Variants in MRRF observed in about 807,000 individuals in gnomAD.
The protein encoded by MRRF is ribosome-recycling factor, mitochondrial.
A neutral mutation model predicts 25.1 loss-of-function variants in MRRF; 18 were observed. The ratio of observed to expected loss-of-function variants is 0.72; its 90% CI spans 0.50 to 1.06. MRRF has a LOEUF of 1.06. Among genes scored for constraint, MRRF ranks in the 50% least tolerant of loss-of-function variants. The pLI is 0.00. For missense variants in MRRF, 323 were observed against 319.3 expected, an observed-to-expected ratio of 1.01 and a Z score of -0.09; for synonymous variants, 113 against 112.1, an observed-to-expected ratio of 1.01 and a Z score of -0.05.
At position 122,327,613 on chromosome 9, in the gene MRRF, AC is replaced by A. The variant is rs1307187651; in HGVS notation, c.*5000del. ...TTGGACTGAAAGTGGTGTGTTTCAG[AC>A]CCCTGCTATTAACATTTCTGTTCCT... On this transcript the variant is annotated 3_prime_UTR_variant, in exon 7 of 7. Coordinates refer to ENST00000344641, the MANE Select transcript of MRRF (RefSeq NM_138777.5). 6.6e-6 allele frequency: 1 copy of A among 152,090 alleles called. No individual in the cohort carries two copies. The highest frequency in any genetic ancestry group is 1.5e-5 in the Non-Finnish European group (1 of 67,998). 9.4% of individuals were successfully genotyped at this position (152,090 alleles called of 1,614,324 possible).
Position 122,322,610 on chromosome 9 carries a change from T to G in MRRF, c.782T>G (p.Leu261Arg), listed in dbSNP as rs766460621. ...CTGGCAGTGAAGACCAAAGAACTCCTTGGATGAAAGTCCACTGGGGCCAGC... is the reference window on the plus strand; with the variant it reads ...CTGGCAGTGAAGACCAAAGAACTCCGTGGATGAAAGTCCACTGGGGCCAGC... ...RHLAVKTKEL[L>R]G Residue 261 changes from leucine (L) to arginine (R), a missense_variant, in exon 7 of 7, where the codon CTT becomes CGT. Physicochemically the swap from Leu to Arg is moderately radical, Grantham distance 102. Coordinates refer to ENST00000344641, the MANE Select transcript of MRRF (RefSeq NM_138777.5). 9 of 1,614,168 alleles carry G rather than the reference T, an allele frequency of 5.6e-6. No individual in the cohort carries two copies. In the South Asian group the frequency reaches 9.9e-5, roughly 18 times the overall value.
chr9:122,266,734 G>A (rs1487757292), intron 1 of MRRF, among the ~76,000 whole-genome samples: 1 of 152,218 alleles, frequency 6.6e-6, no homozygotes, highest in African/African-American at 2.4e-5. Flanking sequence ...AACCTTCTGT[G>A]AAGAACAGGG....
intron 5 of MRRF, among the ~76,000 whole-genome samples, chr9:122,303,887 A>G (rs1328035959): frequency 6.6e-6 from 1 of 152,136 alleles, no homozygotes; most frequent in Non-Finnish European, 1.5e-5. Context: ...ACTTCCTTTC[A>G]GTGGCCTGCC....
In MRRF at chr9:122,285,204, G is replaced by GGGAA. The variant is rs1564483507; in HGVS notation, c.378_381dup (p.Leu128GlufsTer8). On this transcript the variant is annotated frameshift_variant, in exon 4 of 7. Coordinates refer to ENST00000344641, the MANE Select transcript of MRRF (RefSeq NM_138777.5). LOFTEE classifies it high-confidence loss of function. ...CAAGATTGCTGTGGTAACTGCTGAC[G>GGGAA]GGAAGCTTGCTTTAAACCAGATTAG... 2 of 1,613,868 alleles carry GGGAA rather than the reference G, an allele frequency of 1.2e-6. No individual in the cohort carries two copies. Among genetic ancestry groups the GGGAA allele is most frequent in the South Asian group, 2.2e-5 (2 of 91,080 alleles).
At chr9:122,271,380 A>G (rs1415389196) in intron 2 of MRRF, among the ~76,000 whole-genome samples, 1 of 152,244 alleles carries the variant, frequency 6.6e-6, no homozygotes, top group African/African-American at 2.4e-5. Flanking sequence ...GAATGCTTGT[A>G]GCAGGGATCA....
At position 122,326,924 on chromosome 9, in the gene MRRF, A is replaced by G. The variant is rs146994780; in HGVS notation, c.*4307A>G. The G allele has an allele frequency of 2.0e-5, 3 of 152,332 alleles. No individual in the cohort carries two copies. The East Asian group carries it at 5.8e-4, about 29-fold the overall frequency. 9.4% of individuals were successfully genotyped at this position (152,332 alleles called of 1,614,324 possible). On this transcript the variant is annotated 3_prime_UTR_variant, in exon 7 of 7. Transcript: ENST00000344641. ...AGTAAGTGCTAGAATGAAATTTCAA[A>G]CCCACATCTGACCTTGAAGTAGGTC...
At chr9:122,278,647 G>A (rs1832916396) in intron 2 of MRRF, among the ~76,000 whole-genome samples, 1 of 152,034 alleles carries the variant, frequency 6.6e-6, no homozygotes, top group African/African-American at 2.4e-5. Flanking sequence ...AATTATTAAT[G>A]TGCATATTTG....
intron 5 of MRRF, among the ~76,000 whole-genome samples, chr9:122,292,785 G>A (rs1210341196): frequency 6.6e-6 from 1 of 152,102 alleles, no homozygotes; most frequent in African/African-American, 2.4e-5. Flanking sequence ...GACACAAGGG[G>A]AACAGTCAGG....
intron 5 of MRRF, among the ~76,000 whole-genome samples, chr9:122,301,750 T>C (rs1834477322): frequency 2.0e-5 from 3 of 151,996 alleles, no homozygotes; most frequent in Admixed American, 1.3e-4. Flanking sequence ...TTTTTTCTTT[T>C]TGAGATACAG....
Position 122,325,287 on chromosome 9 carries a change from CCT to C in MRRF, c.*2672_*2673del, listed in dbSNP as rs1836097811. On this transcript the variant is annotated 3_prime_UTR_variant, in exon 7 of 7. Coordinates refer to ENST00000344641, the MANE Select transcript of MRRF (RefSeq NM_138777.5). Reference sequence around the variant, plus strand: ...ATCATGATAAATGAATAAAGGAAAACCTCGAGCCCAGGGCAGTCAGACAGCTC... The same window carrying C: ...ATCATGATAAATGAATAAAGGAAAACCGAGCCCAGGGCAGTCAGACAGCTC... 1 of 152,108 alleles carries C rather than the reference CCT, an allele frequency of 6.6e-6. No homozygotes were observed. Among genetic ancestry groups the C allele is most frequent in the African/African-American group, 2.4e-5 (1 of 41,410 alleles). 9.4% of individuals were successfully genotyped at this position (152,108 alleles called of 1,614,324 possible).
At chr9:122,296,778 A>G (rs1834112417) in intron 5 of MRRF, among the ~76,000 whole-genome samples, 2 of 152,100 alleles carry the variant, frequency 1.3e-5, no homozygotes, top group Non-Finnish European at 2.9e-5. Context: ...ACACTCCCTT[A>G]CTCATTGTTT....
In MRRF at chr9:122,289,392, G is replaced by A. The variant is rs114203289; in HGVS notation, c.460-2357G>A. On this transcript the variant is annotated intron_variant, in intron 4 of 6. Transcript: ENST00000344641. ...AAGCATAGTTCCTGCCCAGCTTGGT[G>A]TCAGTAGTCGGTGCCCTAGTGCCTG... Among the ~76,000 whole-genome samples the A allele has an allele frequency of 5.2e-3, 790 of 152,266 alleles. 5 individuals carry two copies. Among genetic ancestry groups the A allele is most frequent in the African/African-American group, 0.018 (768 of 41,550 alleles).
intron 6 of MRRF, among the ~76,000 whole-genome samples, chr9:122,319,147 C>CTTT (rs35949709): frequency 9.3e-4 from 113 of 121,014 alleles, no homozygotes; most frequent in African/African-American, 1.7e-3. Context: ...TTCTTTCTTT[C>CTTT]TTTTTTTTTT....
intron 5 of MRRF, among the ~76,000 whole-genome samples, chr9:122,307,285 A>G (rs912659610): frequency 7.0e-4 from 107 of 152,318 alleles, no homozygotes; most frequent in African/African-American, 2.5e-3. Context: ...TGGCAATGTC[A>G]GGAATGTATC....
At chr9:122,279,612 C>T (rs1184174888) in intron 2 of MRRF, among the ~76,000 whole-genome samples, 6 of 152,206 alleles carry the variant, frequency 3.9e-5, no homozygotes, top group African/African-American at 1.4e-4. Flanking sequence ...TTGCATCACT[C>T]ACAGAAATTA....
intron 4 of MRRF, among the ~76,000 whole-genome samples, chr9:122,288,786 G>A (rs1446693458): frequency 1.3e-5 from 2 of 152,138 alleles, no homozygotes; most frequent in African/African-American, 2.4e-5. Flanking sequence ...TTTTGTTGTT[G>A]TTGCTATTTA....
chr9:122,290,152 G>C (rs902861746), intron 4 of MRRF, among the ~76,000 whole-genome samples: 8 of 152,106 alleles, frequency 5.3e-5, no homozygotes, highest in African/African-American at 1.9e-4. Flanking sequence ...AAAAGTAAAG[G>C]TAGAGCAGCA....
chr9:122,300,364 G>A (rs1231786986), intron 5 of MRRF, among the ~76,000 whole-genome samples: 1 of 152,174 alleles, frequency 6.6e-6, no homozygotes. Context: ...CATGCCCACT[G>A]CAGTGAACTT....
chr9:122,294,007 G>GTACAT (rs1833935079), intron 5 of MRRF, among the ~76,000 whole-genome samples: 1 of 152,020 alleles, frequency 6.6e-6, no homozygotes, highest in African/African-American at 2.4e-5. Flanking sequence ...AGTGCTAAAT[G>GTACAT]TACACATGGA....
Sources: gnomAD v4.1 joint callset for allele counts (sites outside exome capture counted in the v4.1 genomes callset) on GRCh38, gnomAD v4.1.1 for gene constraint, MANE v1.5 for transcripts, NCBI Gene and HGNC (gene_info 2026-07-23, HGNC 2026-07-21) for gene names.